IL1RAPL1: variants seen among roughly 807,000 people sequenced by gnomAD.
The protein encoded by IL1RAPL1 is interleukin 1 receptor accessory protein like 1.
Under a neutral mutation model 48.4 loss-of-function variants are expected in IL1RAPL1, and 3 were observed. The ratio of observed to expected loss-of-function variants is 0.06; its 90% CI spans 0.03 to 0.16. The LOEUF is 0.16. IL1RAPL1 is among the 10% of genes least tolerant of loss of function. The pLI is 1.00. For synonymous variants in IL1RAPL1, 185 were observed against 187.7 expected (o/e 0.99, Z 0.12); for missense variants, 349 against 530.6 (o/e 0.66, Z 3.36).
intron 5 of IL1RAPL1, among the ~76,000 whole-genome samples, chrX:29,448,298 C>G (rs1405762627): frequency 9.0e-6 from 1 of 111,671 alleles, no homozygotes; most frequent in Non-Finnish European, 1.9e-5. Flanking sequence ...CTGCTGAAAT[C>G]TAAAGAATAA....
intron 2 of IL1RAPL1, among the ~76,000 whole-genome samples, chrX:29,088,614 T>A (rs918603780): frequency 1.0e-5 from 1 of 97,393 alleles, no homozygotes; most frequent in Non-Finnish European, 2.0e-5. Context: ...AGGCGGAGGT[T>A]GCAGTGAGCC....
chrX:29,955,842 G>A lies in IL1RAPL1; in HGVS notation c.*22G>A, dbSNP rs766017219. 3.5e-6 allele frequency: 4 copies of A among 1,152,553 alleles called. No homozygotes were observed. The highest frequency in any genetic ancestry group is 2.8e-4 in the Middle Eastern group (1 of 3,518). The allele number at this position is 1,152,553 out of a possible 1,213,427, so 95.0% of individuals were successfully genotyped here. On this transcript the variant is annotated 3_prime_UTR_variant, in exon 11 of 11. Transcript: ENST00000378993. ...GTGACAGAAAAGCAAGGGACATCCCGTCCCTGGGAGGTTGAGTGGAATCTG... is the reference window on the plus strand; with the variant it reads ...GTGACAGAAAAGCAAGGGACATCCCATCCCTGGGAGGTTGAGTGGAATCTG...
intron 1 of IL1RAPL1, among the ~76,000 whole-genome samples, chrX:28,765,983 A>G (rs1400084544): frequency 4.5e-5 from 5 of 111,681 alleles, no homozygotes; most frequent in Non-Finnish European, 9.4e-5. Flanking sequence ...TTTGCATGGG[A>G]AGATCTCACC....
At chrX:29,742,929 C>T (rs1050919611) in intron 6 of IL1RAPL1, among the ~76,000 whole-genome samples, 2 of 110,779 alleles carry the variant, frequency 1.8e-5, no homozygotes, top group Non-Finnish European at 3.8e-5. Context: ...ATTCTAGTTG[C>T]GGCCCTGCCC....
intron 5 of IL1RAPL1, among the ~76,000 whole-genome samples, chrX:29,589,126 G>T (rs1252007939): frequency 8.9e-6 from 1 of 111,923 alleles, no homozygotes; most frequent in Non-Finnish European, 1.9e-5. Flanking sequence ...CTTAATTAAA[G>T]TTTGAGAAGC....
At chrX:29,641,634 G>A (rs754339686) in intron 5 of IL1RAPL1, among the ~76,000 whole-genome samples, 31 of 111,861 alleles carry the variant, frequency 2.8e-4, no homozygotes, top group Non-Finnish European at 5.3e-4. Flanking sequence ...GCTTTGTTTC[G>A]TTCACTGCCA....
chrX:29,285,061 G>T (rs1932260501), intron 3 of IL1RAPL1, among the ~76,000 whole-genome samples: 1 of 111,856 alleles, frequency 8.9e-6, no homozygotes, highest in Admixed American at 9.5e-5. Context: ...TCATTTATCT[G>T]ACATTAGAAT....
chrX:29,683,436 C>A (rs1601777331), intron 6 of IL1RAPL1, among the ~76,000 whole-genome samples: 2 of 112,208 alleles, frequency 1.8e-5, no homozygotes, highest in African/African-American at 6.5e-5. Context: ...GTACAGCTTT[C>A]CTTGATTAGT....
intron 1 of IL1RAPL1, among the ~76,000 whole-genome samples, chrX:28,673,848 G>A (rs757289243): frequency 2.7e-5 from 3 of 111,813 alleles, no homozygotes; most frequent in Non-Finnish European, 5.6e-5. Flanking sequence ...ATCACCCTAA[G>A]GATGGATGTT....
Position 29,919,955 on chromosome X carries a change from T to G in IL1RAPL1, c.918T>G (p.Leu306=), listed in dbSNP as rs1932832576. The change falls in exon 8 of 11, where the codon CTT becomes CTG. Residue 306 remains leucine, a synonymous_variant. Coordinates refer to ENST00000378993, the MANE Select transcript of IL1RAPL1 (RefSeq NM_014271.4). ...NRVWESDIRI[L]KEHLGEQEVS... ...TTGTTGCTTTACATTTTAGAATTCT[T>G]AAGGAGCATCTTGGGGAACAGGAAG... The G allele has an allele frequency of 2.5e-6, 3 of 1,210,765 alleles. No homozygotes were observed. Among genetic ancestry groups the G allele is most frequent in the East Asian group, 3.0e-5 (1 of 33,851 alleles).
intron 2 of IL1RAPL1, among the ~76,000 whole-genome samples, chrX:29,114,914 CACT>C (rs777125602): frequency 9.0e-6 from 1 of 111,601 alleles, no homozygotes; most frequent in South Asian, 3.7e-4. Flanking sequence ...AAGCATGAGC[CACT>C]GAGTCCAGCC....
chrX:29,939,294 A>T (rs1263166668), intron 8 of IL1RAPL1, among the ~76,000 whole-genome samples: 1 of 111,910 alleles, frequency 8.9e-6, no homozygotes, highest in Non-Finnish European at 1.9e-5. Context: ...AGTGTTTAAT[A>T]TACTAAATTA....
chrX:29,913,419 T>C (rs185164106), intron 6 of IL1RAPL1, among the ~76,000 whole-genome samples: 5 of 72,612 alleles, frequency 6.9e-5, no homozygotes, highest in South Asian at 4.6e-4. Flanking sequence ...TATACACATA[T>C]ATGTATACAT....
At chrX:29,876,553 C>T (rs1382556499) in intron 6 of IL1RAPL1, among the ~76,000 whole-genome samples, 1 of 111,404 alleles carries the variant, frequency 9.0e-6, no homozygotes, top group Non-Finnish European at 1.9e-5. Flanking sequence ...GAGAAATGTA[C>T]TCAAGTTTTG....
At chrX:29,839,699 T>G (rs1172013591) in intron 6 of IL1RAPL1, among the ~76,000 whole-genome samples, 1 of 112,278 alleles carries the variant, frequency 8.9e-6, no homozygotes, top group Non-Finnish European at 1.9e-5. Flanking sequence ...GAGGATCACT[T>G]GAGGCCAGGG....
Position 28,873,523 on chromosome X carries a change from C to CT in IL1RAPL1, c.82+84124dup, listed in dbSNP as rs10554661. ...TTCTCAATTATTGTTTTCTTTCTTTCTTTTTTTTTTTTTTTTTTTTTTTTT... is the reference window on the plus strand; with the variant it reads ...TTCTCAATTATTGTTTTCTTTCTTTCTTTTTTTTTTTTTTTTTTTTTTTTTT... On this transcript the variant is annotated intron_variant, in intron 2 of 10. Transcript: ENST00000378993. 4.5e-3 allele frequency among the ~76,000 whole-genome samples: 257 copies of CT among 56,631 alleles called. 11 individuals carry two copies. The highest frequency in any genetic ancestry group is 0.014 in the Middle Eastern group (1 of 73). The allele number at this position is 56,631 out of a possible 115,157, so 49.2% of individuals were successfully genotyped here. A position where few individuals can be genotyped will look rare whatever the true frequency, so the allele number is the denominator to read the frequency against.
intron 6 of IL1RAPL1, among the ~76,000 whole-genome samples, chrX:29,906,460 AATATATATATATATATATATATAT>A (rs1164023016): frequency 0.027 from 813 of 29,867 alleles, 29 homozygotes; most frequent in African/African-American, 0.057. Context: ...TAACTTTGTA[AATATATATATATATATATATATAT>A]ATATATATAT....
chrX:29,888,870 G>A lies in IL1RAPL1; in HGVS notation c.779-28594G>A, dbSNP rs578042647. 2.7e-4 allele frequency among the ~76,000 whole-genome samples: 30 copies of A among 111,633 alleles called. No homozygotes were observed. The South Asian group carries it at 0.01, about 39-fold the overall frequency. ...ACAGTGTTTTTAAAAGACGCTTCTT[G>A]TTAGTGTTAGTAAATAAAGGTGTCT... On this transcript the variant is annotated intron_variant, in intron 6 of 10. Transcript: ENST00000378993.
intron 6 of IL1RAPL1, among the ~76,000 whole-genome samples, chrX:29,835,385 A>ATTTCCC (rs1368048854): frequency 8.9e-6 from 1 of 111,912 alleles, no homozygotes; most frequent in Non-Finnish European, 1.9e-5. Context: ...TGATCTTTTA[A>ATTTCCC]TTGTGCTGTT....
Sources: allele counts gnomAD v4.1 joint callset (sites outside exome capture counted in the v4.1 genomes callset), GRCh38; gene constraint gnomAD v4.1.1; transcripts MANE v1.5; gene names NCBI Gene and HGNC (gene_info 2026-07-23, HGNC 2026-07-21).